Variants in GALNTL6 observed in about 807,000 individuals in gnomAD.
GALNTL6 encodes the protein polypeptide N-acetylgalactosaminyltransferase-like 6.
Under a neutral mutation model 73.7 loss-of-function variants are expected in GALNTL6, and 46 were observed. That is an observed-to-expected ratio of 0.62 (90% CI 0.49 to 0.80). The LOEUF is 0.80. GALNTL6 is among the 30% of genes least tolerant of loss of function. The probability of loss-of-function intolerance (pLI) is 0.00; values close to 1 mark genes in which losing one functional copy is unlikely to be tolerated. For synonymous variants in GALNTL6, 259 were observed against 263.7 expected (o/e 0.98, Z 0.17); for missense variants, 604 against 755.0 (o/e 0.80, Z 2.34).
At chr4:172,384,449 A>G (rs949080331) in intron 5 of GALNTL6, among the ~76,000 whole-genome samples, 7 of 151,956 alleles carry the variant, frequency 4.6e-5, no homozygotes, top group Admixed American at 4.6e-4. Context: ...GGCCAATAAC[A>G]ATGTTGCTTT....
intron 2 of GALNTL6, among the ~76,000 whole-genome samples, chr4:171,912,164 T>G (rs914802125): frequency 5.3e-5 from 8 of 152,150 alleles, no homozygotes; most frequent in African/African-American, 1.9e-4. Context: ...TAATCAATGA[T>G]TTTCTGCTAA....
At chr4:172,059,364 C>CAT (rs1731123463) in intron 2 of GALNTL6, among the ~76,000 whole-genome samples, 1 of 152,120 alleles carries the variant, frequency 6.6e-6, no homozygotes, top group Non-Finnish European at 1.5e-5. Context: ...AAGAAGACAT[C>CAT]ATATTTCTAT....
At chr4:172,821,415 G>A (rs1488488328) in intron 7 of GALNTL6, among the ~76,000 whole-genome samples, 2 of 152,158 alleles carry the variant, frequency 1.3e-5, no homozygotes, top group Non-Finnish European at 2.9e-5. Flanking sequence ...CTCCTTGTAA[G>A]AGAAACTTAG....
chr4:172,415,335 A>C (rs765736304), intron 5 of GALNTL6, among the ~76,000 whole-genome samples: 1 of 152,170 alleles, frequency 6.6e-6, no homozygotes, highest in Non-Finnish European at 1.5e-5. Flanking sequence ...AGTGGCCAGT[A>C]GCTTATCACA....
intron 5 of GALNTL6, among the ~76,000 whole-genome samples, chr4:172,711,607 A>G (rs1262338890): frequency 2.0e-5 from 3 of 152,142 alleles, no homozygotes; most frequent in South Asian, 4.1e-4. Flanking sequence ...AAATGATAAG[A>G]GTTCTCCATT....
intron 2 of GALNTL6, among the ~76,000 whole-genome samples, chr4:172,206,304 C>T (rs532937461): frequency 2.4e-4 from 37 of 152,124 alleles, no homozygotes; most frequent in Admixed American, 3.3e-4. Context: ...TATGTGGATA[C>T]AGGGAGATAG....
intron 7 of GALNTL6, among the ~76,000 whole-genome samples, chr4:172,845,822 G>C (rs1263282866): frequency 1.3e-5 from 2 of 152,144 alleles, no homozygotes; most frequent in African/African-American, 2.4e-5. Context: ...GGTGAGGCAG[G>C]TAAGTTCCTA....
chr4:172,841,246 T>C (rs1473544612), intron 7 of GALNTL6, among the ~76,000 whole-genome samples: 2 of 152,194 alleles, frequency 1.3e-5, no homozygotes, highest in Non-Finnish European at 2.9e-5. Flanking sequence ...ATAATAATAA[T>C]AGAATGGCGA....
At chr4:172,810,834 C>G (rs1482918913) in intron 6 of GALNTL6, among the ~76,000 whole-genome samples, 5 of 152,114 alleles carry the variant, frequency 3.3e-5, no homozygotes, top group Non-Finnish European at 5.9e-5. Flanking sequence ...CAGTGAGATT[C>G]CCTCAAACAG....
intron 12 of GALNTL6, among the ~76,000 whole-genome samples, chr4:173,022,350 T>C (rs1213294595): frequency 6.6e-6 from 1 of 152,260 alleles, no homozygotes; most frequent in Non-Finnish European, 1.5e-5. Flanking sequence ...TCGCTTGTTA[T>C]ATGTGTGGCC....
chr4:171,831,698 C>T (rs1734976359), intron 2 of GALNTL6, among the ~76,000 whole-genome samples: 1 of 151,618 alleles, frequency 6.6e-6, no homozygotes, highest in South Asian at 2.1e-4. Flanking sequence ...GTTCTTTTTC[C>T]TTAATGTTAC....
At chr4:171,889,689 C>T (rs573974631) in intron 2 of GALNTL6, among the ~76,000 whole-genome samples, 3 of 151,848 alleles carry the variant, frequency 2.0e-5, no homozygotes, top group Non-Finnish European at 2.9e-5. Flanking sequence ...AAAAATGAGT[C>T]GCAATGGAGA....
chr4:172,899,353 CATCT>C (rs1746498237), intron 8 of GALNTL6, among the ~76,000 whole-genome samples: 1 of 152,128 alleles, frequency 6.6e-6, no homozygotes, highest in African/African-American at 2.4e-5. Context: ...CCTGAAATAC[CATCT>C]ATTAAATTAG....
chr4:172,991,515 T>A (rs1404417011), intron 10 of GALNTL6, among the ~76,000 whole-genome samples: 1 of 152,016 alleles, frequency 6.6e-6, no homozygotes, highest in African/African-American at 2.4e-5. Flanking sequence ...TTCTCCTAAC[T>A]CAGCCTCCTG....
At chr4:171,872,373 T>C (rs1736161462) in intron 2 of GALNTL6, among the ~76,000 whole-genome samples, 2 of 152,180 alleles carry the variant, frequency 1.3e-5, no homozygotes. Context: ...TTTTATAAAA[T>C]TTCTATGAAA....
intron 5 of GALNTL6, among the ~76,000 whole-genome samples, chr4:172,564,868 G>A (rs1028746803): frequency 1.3e-5 from 2 of 152,228 alleles, no homozygotes; most frequent in Admixed American, 6.5e-5. Context: ...TCATCTTCAT[G>A]TAGGCAGAGG....
chr4:172,465,493 A>AG (rs1267352318), intron 5 of GALNTL6, among the ~76,000 whole-genome samples: 1 of 152,076 alleles, frequency 6.6e-6, no homozygotes, highest in Non-Finnish European at 1.5e-5. Context: ...AGAAAAAAAA[A>AG]GAAAAAGAAA....
At chr4:172,487,451 T>C (rs1561107125) in intron 5 of GALNTL6, among the ~76,000 whole-genome samples, 3 of 151,608 alleles carry the variant, frequency 2.0e-5, no homozygotes, top group South Asian at 2.1e-4. Context: ...AGTGGTGTGA[T>C]CTTGGCTCAC....
At chr4:173,034,104 TC>T (rs1212264008) in intron 12 of GALNTL6, among the ~76,000 whole-genome samples, 2 of 152,126 alleles carry the variant, frequency 1.3e-5, no homozygotes, top group African/African-American at 4.8e-5. Flanking sequence ...TACCTCAACC[TC>T]CACATCTCAT....
Sources: allele counts gnomAD v4.1 joint callset (sites outside exome capture counted in the v4.1 genomes callset), GRCh38; gene constraint gnomAD v4.1.1; transcripts MANE v1.5; gene names NCBI Gene and HGNC (gene_info 2026-07-23, HGNC 2026-07-21).